The following RIMKLB variants were observed in gnomAD, a reference collection of about 807,000 sequenced individuals.
The protein encoded by RIMKLB is ribosomal modification protein rimK like family member B.
RIMKLB carries 7 observed loss-of-function variants against 32.0 expected under a neutral mutation model. That is an observed-to-expected ratio of 0.22 (90% CI 0.12 to 0.41). The LOEUF (loss-of-function observed/expected upper bound fraction) is 0.41, where lower values mean the gene tolerates loss of function less well. RIMKLB is among the 10% of genes least tolerant of loss of function. The pLI is 1.00. For synonymous variants in RIMKLB, 172 were observed against 185.1 expected, an observed-to-expected ratio of 0.93 and a Z score of 0.57; for missense variants, 289 against 498.7, an observed-to-expected ratio of 0.58 and a Z score of 4.00.
intron 5 of RIMKLB, among the ~76,000 whole-genome samples, chr12:8,769,953 G>T (rs1325727128): frequency 6.6e-6 from 1 of 151,702 alleles, no homozygotes; most frequent in Non-Finnish European, 1.5e-5. Context: ...AAAGCGTCAA[G>T]TACTGTTGTA....
rs1202389190 is a variant in RIMKLB at position 8,742,484 on chromosome 12, G to A, written c.176-7378G>A. 8 of 419,364 alleles carry A rather than the reference G, an allele frequency of 1.9e-5. No homozygotes were observed. The Admixed American group carries it at 2.1e-4, about 11-fold the overall frequency. The allele number at this position is 419,364 out of a possible 1,614,324, so 26.0% of individuals were successfully genotyped here. A position where few individuals can be genotyped will look rare whatever the true frequency, so the allele number is the denominator to read the frequency against. The stretch of plus-strand genomic sequence containing the variant: ...ACATGGAGGAGGAGGATGTCCTCAA[G>A]TTCCTTGCAGCAGGAACCCACTTAG... On this transcript the variant is annotated intron_variant, in intron 2 of 5. Transcript: ENST00000535829.
At chr12:8,758,197 T>A (rs777435534) in intron 5 of RIMKLB, among the ~76,000 whole-genome samples, 10 of 152,252 alleles carry the variant, frequency 6.6e-5, no homozygotes, top group Admixed American at 5.9e-4. Context: ...AATTGCCTGT[T>A]CAGGTCCTTT....
chr12:8,778,279 C>G (rs979661922), downstream of RIMKLB, among the ~76,000 whole-genome samples: 1 of 152,096 alleles, frequency 6.6e-6, no homozygotes, highest in African/African-American at 2.4e-5. Flanking sequence ...ATGGTAAAAA[C>G]TCAACATAGC....
chr12:8,710,915 G>A (rs553473506), intron 1 of RIMKLB, among the ~76,000 whole-genome samples: 180 of 147,126 alleles, frequency 1.2e-3, no homozygotes, highest in Non-Finnish European at 2.0e-3. Context: ...ATTGGTTGAG[G>A]CCAGGAGTTT....
At chr12:8,676,587 C>T in the RIMKLB span, among the ~76,000 whole-genome samples, 3 of 151,458 alleles carry the variant, frequency 2.0e-5, no homozygotes, top group Non-Finnish European at 2.9e-5. Flanking sequence ...TTAGTAGACA[C>T]GGGGTTTCAC....
chr12:8,725,542 A>G (rs1945899118), intron 2 of RIMKLB, among the ~76,000 whole-genome samples: 1 of 152,154 alleles, frequency 6.6e-6, no homozygotes, highest in Non-Finnish European at 1.5e-5. Flanking sequence ...CTAGAGTTGC[A>G]TCTTCCCAAA....
chr12:8,698,940 T>G (rs1271747169), intron 1 of RIMKLB, among the ~76,000 whole-genome samples: 1 of 146,672 alleles, frequency 6.8e-6, no homozygotes, highest in African/African-American at 2.6e-5. Context: ...AATATTACAC[T>G]ACTTGCCCCT....
At chr12:8,695,561 C>T (rs1942862121), upstream of RIMKLB, among the ~76,000 whole-genome samples, 1 of 141,978 alleles carries the variant, frequency 7.0e-6, no homozygotes, top group African/African-American at 2.6e-5. Context: ...TAAGCCTTAT[C>T]ATTGGCTTTT....
intron 2 of RIMKLB, among the ~76,000 whole-genome samples, chr12:8,744,633 ATAAT>A (rs1947905693): frequency 6.6e-6 from 1 of 151,352 alleles, no homozygotes; most frequent in Non-Finnish European, 1.5e-5. Context: ...ATACTATTTA[ATAAT>A]TATAGATTTT....
intron 1 of RIMKLB, 38 bp downstream of exon 1, chr12:8,698,335 C>T (rs1455552760): frequency 1.7e-5 from 4 of 230,868 alleles, no homozygotes; most frequent in South Asian, 3.5e-5. Context: ...GGGTGTAGAG[C>T]AGTGAGGCGA....
intron 1 of RIMKLB, among the ~76,000 whole-genome samples, chr12:8,703,374 G>A (rs1943572551): frequency 6.6e-6 from 1 of 152,186 alleles, no homozygotes; most frequent in Non-Finnish European, 1.5e-5. Context: ...CACCCAGGCT[G>A]AAGTACAGTA....
the RIMKLB span, among the ~76,000 whole-genome samples, chr12:8,673,363 G>A: frequency 6.6e-6 from 1 of 152,070 alleles, no homozygotes; most frequent in East Asian, 1.9e-4. Context: ...CCTGAATGGT[G>A]CTATTTAACA....
chr12:8,709,300 G>C (rs1944167007), intron 1 of RIMKLB, among the ~76,000 whole-genome samples: 1 of 152,170 alleles, frequency 6.6e-6, no homozygotes, highest in African/African-American at 2.4e-5. Context: ...GTACTATTTA[G>C]ATTTACTGGA....
intron 5 of RIMKLB, among the ~76,000 whole-genome samples, chr12:8,766,301 A>G (rs1949954932): frequency 6.6e-6 from 1 of 151,966 alleles, no homozygotes; most frequent in African/African-American, 2.4e-5. Flanking sequence ...GCCTTTCTTG[A>G]CCACAAAGAA....
At chr12:8,694,394 TTC>T (rs1247362444), upstream of RIMKLB, among the ~76,000 whole-genome samples, 1,563 of 138,634 alleles carry the variant, frequency 0.011, 148 homozygotes, top group African/African-American at 0.036. Context: ...TGAATTTTTT[TTC>T]TTTTTTTTTT....
intron 1 of RIMKLB, among the ~76,000 whole-genome samples, chr12:8,689,878 C>G (rs1942681608): frequency 6.6e-6 from 1 of 152,086 alleles, no homozygotes; most frequent in Admixed American, 6.6e-5. Context: ...GTAAATCCCC[C>G]CTCTTCTGCG....
rs116970038 is a variant in RIMKLB at position 8,757,657 on chromosome 12, A to G, written c.697+3564A>G. Among the ~76,000 whole-genome samples the G allele has an allele frequency of 4.9e-3, 752 of 152,228 alleles. 1 individual carries two copies. Among genetic ancestry groups the G allele is most frequent in the Middle Eastern group, 0.014 (4 of 294 alleles). On this transcript the variant is annotated intron_variant, in intron 5 of 5. Coordinates refer to ENST00000535829, the MANE Select transcript of RIMKLB (RefSeq NM_001297776.2). ...TTGGTATTTATCTTTCCTATAATGT[A>G]CTTTTAGTTCTTCTGTCTGTATTCC...
At chr12:8,668,914 T>G in the RIMKLB span, 1 of 150,472 alleles carries the variant, frequency 6.6e-6, no homozygotes, top group Non-Finnish European at 1.5e-5. Flanking sequence ...TGTTAAATTT[T>G]GGGCTAGATA....
At chr12:8,777,211 C>CTTT (rs1950775335), downstream of RIMKLB, 2 of 483,362 alleles carry the variant, frequency 4.1e-6, no homozygotes, top group Non-Finnish European at 4.7e-6. Flanking sequence ...TGCTTGCTTG[C>CTTT]TTTCTTTTTT....
Sources: allele counts gnomAD v4.1 joint callset (sites outside exome capture counted in the v4.1 genomes callset), GRCh38; gene constraint gnomAD v4.1.1; transcripts MANE v1.5; gene names NCBI Gene and HGNC (gene_info 2026-07-23, HGNC 2026-07-21).